Variants in CELF2 observed in about 807,000 individuals in gnomAD.
The protein encoded by CELF2 is CUG triplet repeat RNA-binding protein 2.
CELF2 carries 8 observed loss-of-function variants against 62.6 expected under a neutral mutation model. The observed-to-expected ratio is 0.13, with a 90% CI of 0.07 to 0.23. The LOEUF (loss-of-function observed/expected upper bound fraction) is 0.23. Among genes scored for constraint, CELF2 ranks in the 10% least tolerant of loss-of-function variants. The probability of loss-of-function intolerance (pLI) is 1.00; values close to 1 mark genes in which losing one functional copy is unlikely to be tolerated. For missense variants in CELF2, 333 were observed against 671.0 expected (o/e 0.50, Z 5.56); for synonymous variants, 258 against 250.0 (o/e 1.03, Z -0.30).
chr10:11,284,786 T>C (rs2090597827), intron 8 of CELF2, among the ~76,000 whole-genome samples: 1 of 138,350 alleles, frequency 7.2e-6, no homozygotes, highest in Non-Finnish European at 1.6e-5. Context: ...GATGGATGGA[T>C]GGTGGATGGA....
chr10:11,270,594 G>A lies in CELF2; in HGVS notation c.619-72G>A, dbSNP rs368115545. The A allele has an allele frequency of 2.9e-4, 382 of 1,297,156 alleles. No individual in the cohort carries two copies. The highest frequency in any genetic ancestry group is 4.2e-4 in the South Asian group (18 of 42,758). The allele number at this position is 1,297,156 out of a possible 1,614,324, so 80.4% of individuals were successfully genotyped here. A position where few individuals can be genotyped will look rare whatever the true frequency, so the allele number is the denominator to read the frequency against. On this transcript the variant is annotated intron_variant, in intron 6 of 12. Coordinates refer to ENST00000633077, the MANE Select transcript of CELF2 (RefSeq NM_001326342.2). The surrounding 1 kb of genome is among the most constrained non-coding windows in gnomAD (Gnocchi z 5.8). ...CAGGCTAGTGCAGAAAGGTAGCTCC[G>A]GTGCTGAGTGTCGTGAGCGGATTCC... is the stretch of plus-strand genomic sequence containing the variant.
intron 1 of CELF2, among the ~76,000 whole-genome samples, chr10:11,034,339 G>A (rs1002461223): frequency 1.4e-5 from 2 of 144,110 alleles, no homozygotes; most frequent in African/African-American, 4.9e-5. Flanking sequence ...ATATTATAAT[G>A]GGGCCTCATC....
chr10:10,574,872 G>GTT, the CELF2 span, among the ~76,000 whole-genome samples: 1 of 105,978 alleles, frequency 9.4e-6, no homozygotes, highest in African/African-American at 3.2e-5. Flanking sequence ...ACCATGCCTG[G>GTT]TTTTTTTTTT....
intron 1 of CELF2, among the ~76,000 whole-genome samples, chr10:11,023,076 T>C (rs553057078): frequency 1.8e-4 from 27 of 152,344 alleles, no homozygotes; most frequent in African/African-American, 6.3e-4. Context: ...GTTTGGGAGA[T>C]TTTGTTTCTT....
At chr10:10,484,461 C>T in the CELF2 span, among the ~76,000 whole-genome samples, 1 of 148,102 alleles carries the variant, frequency 6.8e-6, no homozygotes. Flanking sequence ...GAACTACAGG[C>T]ACATGCCACC....
chr10:10,737,908 T>C, the CELF2 span, among the ~76,000 whole-genome samples: 11 of 152,336 alleles, frequency 7.2e-5, no homozygotes, highest in East Asian at 1.9e-3. Flanking sequence ...AATGGCCTCC[T>C]GCAATACTGA....
At chr10:11,127,311 G>C (rs1389423544) in intron 1 of CELF2, among the ~76,000 whole-genome samples, 3 of 152,114 alleles carry the variant, frequency 2.0e-5, no homozygotes, top group Non-Finnish European at 4.4e-5. Flanking sequence ...GATTTGGGTT[G>C]GTTCCAAGTT....
intron 3 of CELF2, among the ~76,000 whole-genome samples, chr10:11,235,906 T>G (rs1230227758): frequency 6.6e-6 from 1 of 152,212 alleles, no homozygotes; most frequent in Non-Finnish European, 1.5e-5. Context: ...ATTACCCTAG[T>G]TATGTTTTCA....
chr10:10,816,779 G>A (rs1370885471), intron 1 of CELF2, among the ~76,000 whole-genome samples: 1 of 152,330 alleles, frequency 6.6e-6, no homozygotes, highest in Non-Finnish European at 1.5e-5. Context: ...ATTTGGTTTA[G>A]TATGGTCCAG....
chr10:11,119,871 C>A (rs1004203859), intron 1 of CELF2, among the ~76,000 whole-genome samples: 5 of 135,018 alleles, frequency 3.7e-5, no homozygotes, highest in African/African-American at 5.4e-5. Flanking sequence ...GCCTCCCCCC[C>A]CCCGGCCCCC....
the CELF2 span, among the ~76,000 whole-genome samples, chr10:10,701,886 A>C: frequency 1.3e-5 from 2 of 152,208 alleles, no homozygotes; most frequent in African/African-American, 4.8e-5. Context: ...TGCCCAAGAA[A>C]TACTGTACAA....
the CELF2 span, among the ~76,000 whole-genome samples, chr10:10,657,686 A>G: frequency 3.3e-5 from 5 of 151,788 alleles, no homozygotes; most frequent in Non-Finnish European, 5.9e-5. Context: ...CTACATACAT[A>G]TGTTATTAAG....
chr10:10,939,889 G>A (rs1429437429), intron 2 of CELF2, among the ~76,000 whole-genome samples: 1 of 152,136 alleles, frequency 6.6e-6, no homozygotes, highest in Non-Finnish European at 1.5e-5. Flanking sequence ...AGGAGGCAGA[G>A]CTTGCAGTGA....
chr10:10,514,208 G>A, the CELF2 span, among the ~76,000 whole-genome samples: 3 of 152,312 alleles, frequency 2.0e-5, no homozygotes, highest in Non-Finnish European at 2.9e-5. Flanking sequence ...AATGAGAGAT[G>A]GTATAACTCA....
the CELF2 span, among the ~76,000 whole-genome samples, chr10:10,538,810 G>C: frequency 6.6e-6 from 1 of 152,160 alleles, no homozygotes; most frequent in Non-Finnish European, 1.5e-5. Context: ...CACCCACATG[G>C]TCTTATGAGC....
intron 2 of CELF2, among the ~76,000 whole-genome samples, chr10:11,208,226 A>T (rs1565307269): frequency 6.6e-6 from 1 of 151,752 alleles, no homozygotes; most frequent in Non-Finnish European, 1.5e-5. Context: ...TGTAGGGACC[A>T]AGAGAAAACC....
chr10:11,254,071 C>T (rs780057315), intron 4 of CELF2, among the ~76,000 whole-genome samples: 2 of 152,110 alleles, frequency 1.3e-5, no homozygotes, highest in African/African-American at 4.8e-5. Context: ...CTCACCAAGA[C>T]GGTCATCAAA....
chr10:11,054,547 T>A (rs565480290), intron 1 of CELF2, among the ~76,000 whole-genome samples: 1 of 151,712 alleles, frequency 6.6e-6, no homozygotes, highest in Non-Finnish European at 1.5e-5. Flanking sequence ...TTTAACTTAA[T>A]GTCAATTTAT....
chr10:10,616,871 C>A, the CELF2 span, among the ~76,000 whole-genome samples: 3 of 151,710 alleles, frequency 2.0e-5, no homozygotes, highest in African/African-American at 7.3e-5. Flanking sequence ...CACAGGCATG[C>A]ACCATTACGC....
Sources: gnomAD v4.1 joint callset for allele counts (sites outside exome capture counted in the v4.1 genomes callset) on GRCh38, gnomAD v4.1.1 for gene constraint, Gnocchi (gnomAD v3.1) non-coding constraint, MANE v1.5 for transcripts, NCBI Gene and HGNC (gene_info 2026-07-23, HGNC 2026-07-21) for gene names.